The following MTNAP1 variants were observed in gnomAD, a reference collection of about 807,000 sequenced individuals.
The protein encoded by MTNAP1 is mitochondrial nucleoid associated protein 1.
the MTNAP1 span, chr17:73,248,385 C>T: frequency 8.1e-6 from 8 of 992,934 alleles, no homozygotes; most frequent in African/African-American, 1.3e-4. Flanking sequence ...CCATTTTAAA[C>T]AGCCTTATAA....
the MTNAP1 span, chr17:73,243,069 TTC>T: frequency 5.3e-6 from 6 of 1,138,622 alleles, no homozygotes; most frequent in Admixed American, 4.8e-5. Flanking sequence ...CTCCAAGGGA[TTC>T]TCTGAATTTT....
At chr17:73,245,182 CGTAA>C in the MTNAP1 span, 20,306 of 1,613,396 alleles carry the variant, frequency 0.013, 153 homozygotes, top group Middle Eastern at 0.017. Flanking sequence ...GCAGCGGTGG[CGTAA>C]GTAGTGTTGA....
At chr17:73,248,432 G>A in the MTNAP1 span, 2 of 1,420,564 alleles carry the variant, frequency 1.4e-6, no homozygotes, top group Middle Eastern at 3.5e-4. Flanking sequence ...GAAGGAGGGG[G>A]TAAAAGTCGT....
chr17:73,248,512 C>A, the MTNAP1 span: 3 of 1,551,582 alleles, frequency 1.9e-6, no homozygotes, highest in African/African-American at 4.1e-5. Flanking sequence ...TGCTTCCAGG[C>A]AGCAGCTTGA....
chr17:73,236,376 A>G, the MTNAP1 span: 1 of 1,614,054 alleles, frequency 6.2e-7, no homozygotes, highest in African/African-American at 1.3e-5. Context: ...AACAAGAGAA[A>G]GGACTTACCC....
the MTNAP1 span, chr17:73,243,093 T>TTTTGTTTTTTTTTTTG: frequency 4.8e-4 from 479 of 991,230 alleles, 4 homozygotes; most frequent in African/African-American, 7.0e-3. Context: ...TTTTTTTTTT[T>TTTTGTTTTTTTTTTTG]TTTTTTTTAC....
At chr17:73,245,478 G>A in the MTNAP1 span, 1 of 1,098,948 alleles carries the variant, frequency 9.1e-7, no homozygotes, top group Non-Finnish European at 1.1e-6. Context: ...GTTATTCAAG[G>A]AGATGTGAAG....
the MTNAP1 span, chr17:73,245,357 A>C: frequency 2.9e-6 from 4 of 1,364,456 alleles, no homozygotes; most frequent in African/African-American, 5.9e-5. Context: ...TGATACAGGA[A>C]GTAAACGTAT....
the MTNAP1 span, chr17:73,248,574 C>A: frequency 3.7e-5 from 57 of 1,547,734 alleles, 2 homozygotes; most frequent in South Asian, 6.5e-4. Context: ...AGAATCCATA[C>A]ACGTAATCCA....
At chr17:73,242,371 G>A in the MTNAP1 span, 2 of 1,481,348 alleles carry the variant, frequency 1.4e-6, no homozygotes, top group South Asian at 1.2e-5. Context: ...GAGTTTGACT[G>A]TTGTCTTCTG....
chr17:73,245,412 G>A, the MTNAP1 span: 1 of 1,204,196 alleles, frequency 8.3e-7, no homozygotes, highest in Non-Finnish European at 1.0e-6. Flanking sequence ...TTCTTGGCTT[G>A]CTCTCAGGAG....
the MTNAP1 span, chr17:73,248,401 G>T: frequency 8.8e-7 from 1 of 1,140,508 alleles, no homozygotes; most frequent in Non-Finnish European, 1.3e-6. Context: ...TATAAGTTTT[G>T]TCTCTTAAAA....
At chr17:73,247,150 C>G in the MTNAP1 span, 1 of 1,119,664 alleles carries the variant, frequency 8.9e-7, no homozygotes, top group Non-Finnish European at 1.3e-6. Flanking sequence ...GCATCCATGG[C>G]TGTTTCACAC....
chr17:73,234,458 G>T, the MTNAP1 span, among the ~76,000 whole-genome samples: 2 of 151,680 alleles, frequency 1.3e-5, no homozygotes, highest in African/African-American at 4.8e-5. Flanking sequence ...CTGGAAGGCC[G>T]AAGGCGGGCA....
chr17:73,248,587 T>C, the MTNAP1 span: 1 of 1,530,848 alleles, frequency 6.5e-7, no homozygotes, highest in African/African-American at 1.4e-5. Flanking sequence ...GTAATCCATA[T>C]TCACCTTCCC....
chr17:73,241,207 G>C, the MTNAP1 span, among the ~76,000 whole-genome samples: 1 of 152,074 alleles, frequency 6.6e-6, no homozygotes, highest in Non-Finnish European at 1.5e-5. Context: ...GCCCAGGCTG[G>C]AGTGCAGTGT....
chr17:73,239,799 G>C, the MTNAP1 span, among the ~76,000 whole-genome samples: 1 of 152,114 alleles, frequency 6.6e-6, no homozygotes, highest in East Asian at 1.9e-4. Flanking sequence ...GGGATTACAG[G>C]TGTGAGCCAC....
chr17:73,234,878 G>A, the MTNAP1 span, among the ~76,000 whole-genome samples: 2 of 150,942 alleles, frequency 1.3e-5, no homozygotes, highest in South Asian at 2.1e-4. Context: ...ACACCCTAGT[G>A]CATATTCTAT....
chr17:73,242,136 T>C, the MTNAP1 span: 23 of 637,958 alleles, frequency 3.6e-5, no homozygotes, highest in East Asian at 4.5e-4. Context: ...TGCACCTGTT[T>C]AGAATATGCT....
Sources: gnomAD v4.1 joint callset for allele counts (sites outside exome capture counted in the v4.1 genomes callset) on GRCh38, gnomAD v4.1.1 for gene constraint, MANE v1.5 for transcripts, NCBI Gene and HGNC (gene_info 2026-07-23, HGNC 2026-07-21) for gene names.